Variants in VPS35 observed in about 807,000 individuals in gnomAD.
The protein encoded by VPS35 is VPS35 retromer complex component, also known as vacuolar protein sorting-associated protein 35.
Under a neutral mutation model 98.1 loss-of-function variants are expected in VPS35, and 21 were observed. The ratio of observed to expected loss-of-function variants is 0.21; its 90% confidence interval spans 0.15 to 0.31. VPS35 has a LOEUF of 0.31. Ranked by LOEUF, VPS35 falls within the 10% of genes least tolerant of loss-of-function variation. The probability of loss-of-function intolerance (pLI) is 1.00; values close to 1 mark genes in which losing one functional copy is unlikely to be tolerated. For synonymous variants in VPS35, 268 were observed against 318.2 expected (o/e 0.84, Z 1.68); for missense variants, 554 against 950.8 (o/e 0.58, Z 5.49).
rs200622483 is a variant in VPS35 at position 46,660,807 on chromosome 16, A to C, written c.2212-156T>G. ...TGGGGATACAATTCCTAGTTTGAAC[A>C]ATTACTGACTATCAAAAAAAAAAAA... On this transcript the variant is annotated intron_variant, in intron 16 of 16. Coordinates refer to ENST00000299138, the MANE Select transcript of VPS35 (RefSeq NM_018206.6). 1.7e-4 allele frequency: 88 copies of C among 513,088 alleles called. No homozygotes were observed. The East Asian group carries it at 3.3e-3, about 20-fold the overall frequency. The allele number at this position is 513,088 out of a possible 1,614,324, so 31.8% of individuals were successfully genotyped here.
chr16:46,680,127 A>G (rs1229185907), intron 5 of VPS35, among the ~76,000 whole-genome samples: 4 of 152,232 alleles, frequency 2.6e-5, no homozygotes, highest in African/African-American at 4.8e-5. Context: ...GCTGTGGGAT[A>G]AAAGTACAGT....
At chr16:46,660,761 G>T in intron 16 of VPS35, 110 bp from the exon 17 acceptor site, 11 of 599,122 alleles carry the variant, frequency 1.8e-5, no homozygotes, top group East Asian at 6.1e-5. Flanking sequence ...AATTACCTGA[G>T]TAATTATGAA....
chr16:46,684,016 G>A (rs1187143055), intron 1 of VPS35, among the ~76,000 whole-genome samples: 1 of 152,118 alleles, frequency 6.6e-6, no homozygotes, highest in Non-Finnish European at 1.5e-5. Flanking sequence ...ATGAGCCACC[G>A]CACCCAGCCC....
intron 8 of VPS35, 105 bp downstream of exon 8, chr16:46,676,478 C>T (rs980771433): frequency 2.6e-6 from 2 of 761,126 alleles, no homozygotes; most frequent in African/African-American, 1.7e-5. Flanking sequence ...AAATTAAGAT[C>T]ATTGGTATGA....
intron 10 of VPS35, among the ~76,000 whole-genome samples, 185 bp downstream of exon 10, chr16:46,674,129 T>A (rs1349999114): frequency 6.6e-6 from 1 of 152,046 alleles, no homozygotes; most frequent in Non-Finnish European, 1.5e-5. Context: ...GTACCACAAT[T>A]TCCTTAATAT....
intron 13 of VPS35, 122 bp downstream of exon 13, chr16:46,668,808 T>C: frequency 7.1e-7 from 1 of 1,400,242 alleles, no homozygotes; most frequent in South Asian, 1.3e-5. Context: ...GAAAATGGGA[T>C]TTTATTATAC....
intron 8 of VPS35, 24 bp downstream of exon 8, chr16:46,676,559 T>C: frequency 7.2e-7 from 1 of 1,387,470 alleles, no homozygotes; most frequent in Non-Finnish European, 1.0e-6. Flanking sequence ...AGAGCATTTA[T>C]CCGCCAGTGT....
At chr16:46,675,849 G>A (rs1303293676) in intron 8 of VPS35, among the ~76,000 whole-genome samples, 2 of 151,932 alleles carry the variant, frequency 1.3e-5, no homozygotes, top group Non-Finnish European at 2.9e-5. Context: ...CAGATCATTT[G>A]AGCTCAGGAG....
chr16:46,670,258 G>A (rs151255401), intron 12 of VPS35, among the ~76,000 whole-genome samples: 1 of 152,128 alleles, frequency 6.6e-6, no homozygotes, highest in East Asian at 1.9e-4. Flanking sequence ...CTCCATACAT[G>A]GGAATAACCA....
chr16:46,663,803 C>T (rs1186277244), intron 13 of VPS35, among the ~76,000 whole-genome samples: 1 of 149,250 alleles, frequency 6.7e-6, no homozygotes, highest in Non-Finnish European at 1.5e-5. Context: ...TCAAGTGATG[C>T]TCCCACCTCA....
At chr16:46,688,366 C>T (rs373500346) in intron 1 of VPS35, 11 of 987,050 alleles carry the variant, frequency 1.1e-5, no homozygotes, top group Non-Finnish European at 1.2e-5. Context: ...TCAAGTTTAC[C>T]GGCCAACAGC....
Position 46,676,666 on chromosome 16 carries a change from C to T in VPS35, c.831G>A (p.Gln277=). The T allele has an allele frequency of 6.2e-7, 1 of 1,613,330 alleles. No homozygotes were observed. The highest frequency in any genetic ancestry group is 1.3e-5 in the African/African-American group (1 of 75,020). Residue 277 remains glutamine (Q), a synonymous_variant, in exon 8 of 17, where the codon CAG becomes CAA. Transcript: ENST00000299138. ...AGGCCCGAAGAAAAGGATTCAAAGTCTGGAGGTGAAATTCATCAGGGAAAA... is the reference window on the plus strand; with the variant it reads ...AGGCCCGAAGAAAAGGATTCAAAGTTTGGAGGTGAAATTCATCAGGGAAAA... ...IQVFPDEFHL[Q]TLNPFLRACA...
chr16:46,667,838 G>A (rs1473472410), intron 13 of VPS35, among the ~76,000 whole-genome samples: 1 of 151,950 alleles, frequency 6.6e-6, no homozygotes, highest in Non-Finnish European at 1.5e-5. Flanking sequence ...GCATATGTGT[G>A]GGTTTATTTC....
At chr16:46,660,870 G>C (rs1965904247) in intron 16 of VPS35, 1 of 538,832 alleles carries the variant, frequency 1.9e-6, no homozygotes, top group Admixed American at 2.5e-5. Context: ...AATTGGCTCG[G>C]CTCAGTGGCT....
chr16:46,665,873 C>T (rs1965981318), intron 13 of VPS35, among the ~76,000 whole-genome samples: 1 of 152,092 alleles, frequency 6.6e-6, no homozygotes, highest in Admixed American at 6.6e-5. Context: ...TCACTGCAGC[C>T]TCCAACTCCT....
In VPS35 at chr16:46,680,658, G is replaced by A. The variant is rs1470685229; in HGVS notation, c.506+13C>T. Reference sequence around the variant, plus strand: ...GAAATATTGCAACAAAATTAAGAAAGAAAATCACTTACTCTGTTGGCTCTC... The same window carrying A: ...GAAATATTGCAACAAAATTAAGAAAAAAAATCACTTACTCTGTTGGCTCTC... On this transcript the variant is annotated intron_variant, in intron 5 of 16. Coordinates refer to ENST00000299138, the MANE Select transcript of VPS35 (RefSeq NM_018206.6). The A allele has an allele frequency of 7.4e-6, 12 of 1,612,668 alleles. No homozygotes were observed. Among genetic ancestry groups the A allele is most frequent in the Non-Finnish European group, 8.5e-6 (10 of 1,179,122 alleles).
intron 4 of VPS35, 102 bp from the exon 5 acceptor site, chr16:46,680,955 C>G: frequency 7.8e-7 from 1 of 1,286,144 alleles, no homozygotes; most frequent in Admixed American, 1.9e-5. Flanking sequence ...AAGACAGGAA[C>G]CATGTTGTTT....
rs1407033344 is a variant in VPS35 at position 46,681,361 on chromosome 16, A to T, written c.323+16T>A. ...GAAATACAGACACAAAAGTTCTCTGATTTGTAATTACTTACAGCCTTGGGA... is the reference window on the plus strand; with the variant it reads ...GAAATACAGACACAAAAGTTCTCTGTTTTGTAATTACTTACAGCCTTGGGA... On this transcript the variant is annotated intron_variant, in intron 4 of 16. Coordinates refer to ENST00000299138, the MANE Select transcript of VPS35 (RefSeq NM_018206.6). The T allele has an allele frequency of 6.2e-7, 1 of 1,613,336 alleles. No individual in the cohort carries two copies. The highest frequency in any genetic ancestry group is 1.7e-5 in the Admixed American group (1 of 59,994).
chr16:46,678,090 C>G (rs1311890398), intron 6 of VPS35, among the ~76,000 whole-genome samples: 1 of 152,076 alleles, frequency 6.6e-6, no homozygotes, highest in African/African-American at 2.4e-5. Context: ...ATGGATTGTC[C>G]AGTCAGAGAT....
Sources: gnomAD v4.1 joint callset for allele counts (sites outside exome capture counted in the v4.1 genomes callset) on GRCh38, gnomAD v4.1.1 for gene constraint, MANE v1.5 for transcripts, NCBI Gene and HGNC (gene_info 2026-07-23, HGNC 2026-07-21) for gene names.